The following LRRTM4 variants were observed in gnomAD, a reference collection of about 807,000 sequenced individuals.
LRRTM4 encodes the protein leucine rich repeat transmembrane neuronal 4.
A neutral mutation model predicts 47.6 loss-of-function variants in LRRTM4; 25 were observed. The ratio of observed to expected loss-of-function variants is 0.53; its 90% CI spans 0.38 to 0.73. The LOEUF (loss-of-function observed/expected upper bound fraction) is 0.73, where lower values mean the gene tolerates loss of function less well. LRRTM4 is among the 30% of genes least tolerant of loss of function. The probability of loss-of-function intolerance (pLI) is 0.00; values close to 1 mark genes in which losing one functional copy is unlikely to be tolerated. For synonymous variants in LRRTM4, 311 were observed against 269.5 expected, an observed-to-expected ratio of 1.15 and a Z score of -1.51; for missense variants, 638 against 713.4, an observed-to-expected ratio of 0.89 and a Z score of 1.20.
chr2:77,145,190 T>C (rs1263669220), intron 3 of LRRTM4, among the ~76,000 whole-genome samples: 1 of 151,430 alleles, frequency 6.6e-6, no homozygotes, highest in Non-Finnish European at 1.5e-5. Flanking sequence ...GGTAGAGCAT[T>C]TGACAGATAT....
At chr2:77,141,572 T>A (rs764321491) in intron 3 of LRRTM4, among the ~76,000 whole-genome samples, 1 of 152,284 alleles carries the variant, frequency 6.6e-6, no homozygotes, top group East Asian at 1.9e-4. Flanking sequence ...TGTACATATG[T>A]AACAAACCTG....
At chr2:76,796,235 G>C (rs1292225486) in intron 3 of LRRTM4, among the ~76,000 whole-genome samples, 1 of 70,532 alleles carries the variant, frequency 1.4e-5, no homozygotes, top group African/African-American at 8.9e-5. Context: ...CAGCCAGGCT[G>C]GGGGAGGGGT....
chr2:77,016,960 TTTTC>T (rs549171014), intron 3 of LRRTM4, among the ~76,000 whole-genome samples: 1 of 152,268 alleles, frequency 6.6e-6, no homozygotes, highest in African/African-American at 2.4e-5. Flanking sequence ...TCATATCTTG[TTTTC>T]TTTATTTCAT....
chr2:77,409,843 T>C (rs1215695039), intron 3 of LRRTM4, among the ~76,000 whole-genome samples: 1 of 152,204 alleles, frequency 6.6e-6, no homozygotes, highest in Non-Finnish European at 1.5e-5. Flanking sequence ...TGCAACCTTC[T>C]CGTGAAGCTC....
intron 3 of LRRTM4, among the ~76,000 whole-genome samples, chr2:77,505,914 T>C (rs1678750169): frequency 6.6e-6 from 1 of 151,588 alleles, no homozygotes; most frequent in African/African-American, 2.4e-5. Context: ...TAGATTCACA[T>C]AATTCTAGTC....
At chr2:77,288,720 T>C (rs1002369518) in intron 3 of LRRTM4, among the ~76,000 whole-genome samples, 2 of 152,092 alleles carry the variant, frequency 1.3e-5, no homozygotes, top group Admixed American at 1.3e-4. Flanking sequence ...ACTTGAATAA[T>C]ACCTATGTAA....
At chr2:77,275,339 C>A (rs1161352560) in intron 3 of LRRTM4, among the ~76,000 whole-genome samples, 1 of 151,804 alleles carries the variant, frequency 6.6e-6, no homozygotes, top group Non-Finnish European at 1.5e-5. Context: ...CTACCTCCAA[C>A]GTATTTATTA....
intron 3 of LRRTM4, among the ~76,000 whole-genome samples, chr2:77,179,349 A>T (rs1373180658): frequency 2.0e-5 from 3 of 152,222 alleles, no homozygotes; most frequent in South Asian, 2.1e-4. Flanking sequence ...AAGTAAAAAA[A>T]GTCAATGAAC....
At chr2:76,896,743 A>G (rs1429273615) in intron 3 of LRRTM4, among the ~76,000 whole-genome samples, 1 of 150,642 alleles carries the variant, frequency 6.6e-6, no homozygotes, top group Non-Finnish European at 1.5e-5. Context: ...AATAAGCCAG[A>G]GTTTATTGGA....
intron 3 of LRRTM4, among the ~76,000 whole-genome samples, chr2:77,054,327 A>T (rs1304955482): frequency 1.3e-5 from 2 of 152,216 alleles, no homozygotes; most frequent in African/African-American, 4.8e-5. Flanking sequence ...AAAACTACAA[A>T]TGAATAAAAT....
At chr2:76,799,090 A>G (rs1675519027) in intron 3 of LRRTM4, among the ~76,000 whole-genome samples, 1 of 147,614 alleles carries the variant, frequency 6.8e-6, no homozygotes, top group Admixed American at 6.7e-5. Flanking sequence ...AATCCTCCCT[A>G]ACTCATTTTA....
At chr2:77,364,017 C>T (rs529821813) in intron 3 of LRRTM4, among the ~76,000 whole-genome samples, 2 of 151,946 alleles carry the variant, frequency 1.3e-5, no homozygotes, top group East Asian at 1.9e-4. Flanking sequence ...AAATGAGCTG[C>T]ATGTGTTCCC....
intron 3 of LRRTM4, among the ~76,000 whole-genome samples, chr2:76,916,687 T>TAG (rs2103796253): frequency 6.6e-6 from 1 of 152,292 alleles, no homozygotes; most frequent in Admixed American, 6.5e-5. Context: ...ACTGTGTCCT[T>TAG]ACTAATTTCA....
At chr2:77,279,811 A>T (rs894363677) in intron 3 of LRRTM4, among the ~76,000 whole-genome samples, 1 of 152,044 alleles carries the variant, frequency 6.6e-6, no homozygotes, top group Non-Finnish European at 1.5e-5. Flanking sequence ...GGAAATGAAG[A>T]GAGAGGCAGG....
At chr2:77,356,023 G>A (rs1357302403) in intron 3 of LRRTM4, among the ~76,000 whole-genome samples, 5 of 152,178 alleles carry the variant, frequency 3.3e-5, no homozygotes, top group Admixed American at 3.3e-4. Flanking sequence ...AGCCCAGGAA[G>A]GTAGAGGCTG....
At chr2:76,848,691 A>AT (rs1409877443) in intron 3 of LRRTM4, among the ~76,000 whole-genome samples, 10 of 152,114 alleles carry the variant, frequency 6.6e-5, no homozygotes, top group African/African-American at 2.4e-4. Flanking sequence ...TATAACAAGG[A>AT]TTTTTAAACT....
chr2:76,790,754 T>G (rs2103711548), intron 3 of LRRTM4, among the ~76,000 whole-genome samples: 1 of 151,240 alleles, frequency 6.6e-6, no homozygotes, highest in East Asian at 2.0e-4. Context: ...TATCTTCCAG[T>G]TGATGTAAAT....
intron 3 of LRRTM4, among the ~76,000 whole-genome samples, chr2:76,903,397 G>C (rs1673710834): frequency 6.6e-6 from 1 of 151,914 alleles, no homozygotes; most frequent in South Asian, 2.1e-4. Flanking sequence ...TTAGCCAGGT[G>C]TGGTGGCGGG....
intron 3 of LRRTM4, among the ~76,000 whole-genome samples, chr2:77,381,928 TAATA>T (rs1673069592): frequency 6.6e-6 from 1 of 152,080 alleles, no homozygotes; most frequent in African/African-American, 2.4e-5. Flanking sequence ...ATGGTACATA[TAATA>T]AATAACAAAC....
Sources: gnomAD v4.1 joint callset for allele counts (sites outside exome capture counted in the v4.1 genomes callset) on GRCh38, gnomAD v4.1.1 for gene constraint, MANE v1.5 for transcripts, NCBI Gene and HGNC (gene_info 2026-07-23, HGNC 2026-07-21) for gene names.